ARMH3: variants seen among roughly 807,000 people sequenced by gnomAD.
The protein encoded by ARMH3 is armadillo-like helical domain-containing protein 3.
ARMH3 carries 60 observed loss-of-function variants against 99.1 expected under a neutral mutation model. The observed-to-expected ratio is 0.61, with a 90% CI of 0.49 to 0.75. ARMH3 has a LOEUF of 0.75. Ranked by LOEUF, ARMH3 falls within the 30% of genes least tolerant of loss-of-function variation. The pLI is 0.00. For missense variants in ARMH3, 679 were observed against 843.1 expected, an observed-to-expected ratio of 0.81 and a Z score of 2.41; for synonymous variants, 285 against 292.8, an observed-to-expected ratio of 0.97 and a Z score of 0.27.
chr10:101,848,598 G>A (rs1421710815), intron 25 of ARMH3, among the ~76,000 whole-genome samples: 2 of 152,202 alleles, frequency 1.3e-5, no homozygotes, highest in Non-Finnish European at 2.9e-5. Flanking sequence ...GAAGGAAGCA[G>A]AGGAAAGGGC....
chr10:101,968,256 C>G (rs923306111), intron 20 of ARMH3, among the ~76,000 whole-genome samples: 8 of 152,100 alleles, frequency 5.3e-5, no homozygotes, highest in African/African-American at 1.9e-4. Context: ...TTCTAGGGCC[C>G]TATACCACCT....
intron 22 of ARMH3, among the ~76,000 whole-genome samples, chr10:101,947,173 C>T (rs547472953): frequency 6.0e-5 from 9 of 151,222 alleles, no homozygotes; most frequent in South Asian, 4.2e-4. Flanking sequence ...GGCGACAGAG[C>T]GAGACTCTGT....
At chr10:101,872,418 C>A (rs933019431) in intron 24 of ARMH3, among the ~76,000 whole-genome samples, 1 of 152,136 alleles carries the variant, frequency 6.6e-6, no homozygotes, top group Non-Finnish European at 1.5e-5. Flanking sequence ...CTGCTCTAGC[C>A]GGGCACAGTG....
At chr10:102,006,173 A>T (rs2136083617) in intron 14 of ARMH3, among the ~76,000 whole-genome samples, 1 of 152,342 alleles carries the variant, frequency 6.6e-6, no homozygotes. Flanking sequence ...TTTTACATTC[A>T]TTTCAGTGCT....
chr10:101,908,749 C>T (rs1442144812), intron 23 of ARMH3, among the ~76,000 whole-genome samples: 1 of 151,326 alleles, frequency 6.6e-6, no homozygotes, highest in Non-Finnish European at 1.5e-5. Context: ...CTGCAAGCTC[C>T]GCCTCCCGAG....
chr10:101,999,900 C>T (rs1185444148), intron 15 of ARMH3, among the ~76,000 whole-genome samples: 2 of 151,862 alleles, frequency 1.3e-5, no homozygotes, highest in Non-Finnish European at 2.9e-5. Context: ...CTGGTCAACA[C>T]AATGAAACCC....
chr10:101,970,634 C>T (rs910248734), intron 20 of ARMH3, among the ~76,000 whole-genome samples: 1 of 151,682 alleles, frequency 6.6e-6, no homozygotes, highest in African/African-American at 2.4e-5. Flanking sequence ...CCAGCCTGGG[C>T]AACATGATGA....
rs188075116 is a variant in ARMH3, at chr10:101,919,417, C to T, written c.1781+20446G>A. 4.6e-4 allele frequency among the ~76,000 whole-genome samples: 70 copies of T among 152,184 alleles called. No homozygotes were observed. In the East Asian group the frequency reaches 5.4e-3, roughly 12 times the overall value. On this transcript the variant is annotated intron_variant, in intron 23 of 25. Coordinates refer to ENST00000370033, the MANE Select transcript of ARMH3 (RefSeq NM_024541.3). ...AGCTCCCTCTCTGCTTGGCTACATT[C>T]GAGACTAGATGAACAGCCCTTTCTT...
intron 23 of ARMH3, among the ~76,000 whole-genome samples, chr10:101,890,531 A>C (rs1251841171): frequency 6.6e-6 from 1 of 152,208 alleles, no homozygotes; most frequent in Non-Finnish European, 1.5e-5. Flanking sequence ...CATGAGCCAC[A>C]GCGGCTGGCC....
chr10:101,995,546 G>A (rs766834911), intron 15 of ARMH3, among the ~76,000 whole-genome samples, 191 bp from the exon 16 acceptor site: 7 of 152,116 alleles, frequency 4.6e-5, no homozygotes, highest in African/African-American at 9.7e-5. Context: ...TCCCCCAGAA[G>A]ATTTATTTTT....
rs751843254 is a variant in ARMH3, at chr10:101,849,779, C to G, written c.1974G>C (p.Glu658Asp). Residue 658 changes from glutamate to aspartate, a missense_variant, in exon 25 of 26, where the codon GAG (glutamate) becomes GAC (aspartate). Physicochemically the swap from Glu to Asp is conservative, Grantham distance 45. Transcript: ENST00000370033. ...GCAGAGGCGGTGGGGCACTCACCAG[C>G]TCTTTGAAGAAGGCAGCTTCCTTGT... ...EQHKEAAFFKELVRSISTNVR... is the reference protein window; with the variant it reads ...EQHKEAAFFKDLVRSISTNVR... 1.2e-6 allele frequency: 2 copies of G among 1,613,896 alleles called. No individual in the cohort carries two copies. Among genetic ancestry groups the G allele is most frequent in the Non-Finnish European group, 1.7e-6 (2 of 1,179,806 alleles).
intron 8 of ARMH3, among the ~76,000 whole-genome samples, chr10:102,021,594 C>T (rs1194911611): frequency 1.3e-5 from 2 of 151,456 alleles, no homozygotes; most frequent in Non-Finnish European, 2.9e-5. Context: ...GTCACCTAGG[C>T]TGGAGTGCAG....
At chr10:101,964,509 A>T (rs1845449634) in intron 20 of ARMH3, among the ~76,000 whole-genome samples, 1 of 152,258 alleles carries the variant, frequency 6.6e-6, no homozygotes, top group African/African-American at 2.4e-5. Context: ...ACGAATAAAC[A>T]AAATATGGTA....
At chr10:101,977,565 T>C (rs1846065276) in intron 19 of ARMH3, among the ~76,000 whole-genome samples, 1 of 152,240 alleles carries the variant, frequency 6.6e-6, no homozygotes, top group Admixed American at 6.5e-5. Flanking sequence ...TCCTTTGCTA[T>C]AGTCTGAATG....
chr10:102,002,025 T>C lies in ARMH3; in HGVS notation c.1096A>G (p.Asn366Asp). Residue 366 changes from asparagine (N) to aspartate (D), a missense_variant, in exon 15 of 26, where the codon AAT becomes GAT. Physicochemically the swap from Asn to Asp is conservative, Grantham distance 23 (BLOSUM62 1). This residue lies in a region of ARMH3 where 389 missense variants were observed against 456.5 expected (regional missense o/e 0.85). Transcript: ENST00000370033. ...LPLDADVQTSNLLITFLKYSS... is the reference protein window; with the variant it reads ...LPLDADVQTSDLLITFLKYSS... ...TACTTTAAAAAGGTTATCAGTAGAT[T>C]ACTGGTCTGTACATCTGCATCCAGT... 6.2e-7 allele frequency: 1 copy of C among 1,614,224 alleles called. No homozygotes were observed. The highest frequency in any genetic ancestry group is 8.5e-7 in the Non-Finnish European group (1 of 1,180,036).
chr10:101,931,993 T>C (rs1446708075), intron 23 of ARMH3, among the ~76,000 whole-genome samples: 1 of 152,128 alleles, frequency 6.6e-6, no homozygotes, highest in Non-Finnish European at 1.5e-5. Context: ...GGAGAAAATA[T>C]CTGCACATCA....
rs979225673 is a variant in ARMH3, at chr10:101,883,407, C to T, written c.1860+6005G>A. ...CTCCAGCCTGGGTGACAGAGCAAGA[C>T]CTTGTCTCTAAAAAAAAATAATAAA... On this transcript the variant is annotated intron_variant, in intron 24 of 25. Coordinates refer to ENST00000370033, the MANE Select transcript of ARMH3 (RefSeq NM_024541.3). Among the ~76,000 whole-genome samples, 4 of 147,784 alleles carry T rather than the reference C, an allele frequency of 2.7e-5. No individual in the cohort carries two copies. In the Admixed American group the frequency reaches 2.7e-4, roughly 10 times the overall value.
chr10:102,044,416 G>A lies in ARMH3; in HGVS notation c.-11-4291C>T, dbSNP rs549009333. On this transcript the variant is annotated intron_variant, in intron 1 of 25. Transcript: ENST00000370033. Reference sequence around the variant, plus strand: ...AGACAGAGTCTGGCTCTGTTGTCCAGGCTGGATGCAGTGACATGATCTCAG... The same window carrying A: ...AGACAGAGTCTGGCTCTGTTGTCCAAGCTGGATGCAGTGACATGATCTCAG... Among the ~76,000 whole-genome samples the A allele has an allele frequency of 4.7e-5, 7 of 148,632 alleles. No homozygotes were observed. The Admixed American group carries it at 4.8e-4, about 10-fold the overall frequency.
At chr10:101,967,115 G>C (rs1237886176) in intron 20 of ARMH3, among the ~76,000 whole-genome samples, 3 of 152,180 alleles carry the variant, frequency 2.0e-5, no homozygotes, top group Admixed American at 2.0e-4. Flanking sequence ...ACCTGGCATG[G>C]AGCTAGGTTT....
Sources: allele counts gnomAD v4.1 joint callset (sites outside exome capture counted in the v4.1 genomes callset), GRCh38; gene constraint gnomAD v4.1.1; regional missense constraint gnomAD v4.1.1; transcripts MANE v1.5; gene names NCBI Gene and HGNC (gene_info 2026-07-23, HGNC 2026-07-21).